The following RANBP2 variants were observed in gnomAD, a reference collection of about 807,000 sequenced individuals.
RANBP2 encodes the protein E3 SUMO-protein ligase RanBP2.
In RANBP2, 57 loss-of-function variants were observed where a neutral mutation model predicts 303.6. The observed-to-expected ratio is 0.19, with a 90% CI of 0.15 to 0.23. RANBP2 has a LOEUF of 0.23. RANBP2 is among the 10% of genes least tolerant of loss of function. RANBP2 has a pLI of 1.00. For synonymous variants in RANBP2, 1,167 were observed against 1,301.5 expected (o/e 0.90, Z 2.23); for missense variants, 3,138 against 3,780.8 (o/e 0.83, Z 4.46).
At chr2:109,635,945 A>G in the RANBP2 span, among the ~76,000 whole-genome samples, 2 of 152,178 alleles carry the variant, frequency 1.3e-5, no homozygotes, top group East Asian at 1.9e-4. Context: ...CTTCACCCCA[A>G]TGTGACGGTG....
At chr2:109,462,471 C>T in the RANBP2 span, among the ~76,000 whole-genome samples, 1 of 152,140 alleles carries the variant, frequency 6.6e-6, no homozygotes, top group Admixed American at 6.5e-5. Context: ...CTCTGTCATT[C>T]TCCATGATCC....
At chr2:108,941,029 C>G in the RANBP2 span, among the ~76,000 whole-genome samples, 2 of 152,168 alleles carry the variant, frequency 1.3e-5, no homozygotes, top group Admixed American at 1.3e-4. Context: ...CTGCCCCACG[C>G]TGGGCTGTCA....
the RANBP2 span, among the ~76,000 whole-genome samples, chr2:108,968,101 G>C: frequency 8.6e-3 from 1,312 of 152,260 alleles, 23 homozygotes; most frequent in African/African-American, 0.03. Flanking sequence ...GCTGCACAGG[G>C]ATAATATCAC....
the RANBP2 span, among the ~76,000 whole-genome samples, chr2:109,292,140 G>A: frequency 2.4e-4 from 37 of 152,348 alleles, no homozygotes; most frequent in East Asian, 3.5e-3. Flanking sequence ...TGGGATTACA[G>A]GCGTGAGCTA....
the RANBP2 span, among the ~76,000 whole-genome samples, chr2:109,442,026 T>C: frequency 6.6e-6 from 1 of 152,102 alleles, no homozygotes; most frequent in African/African-American, 2.4e-5. Context: ...AAATCCACAC[T>C]ATTGGCCAGG....
chr2:108,856,512 G>T, the RANBP2 span, among the ~76,000 whole-genome samples: 1 of 152,116 alleles, frequency 6.6e-6, no homozygotes, highest in Non-Finnish European at 1.5e-5. Context: ...ATACTAATAG[G>T]CATTGTTTTT....
chr2:109,433,308 C>T, the RANBP2 span, among the ~76,000 whole-genome samples: 7 of 152,178 alleles, frequency 4.6e-5, no homozygotes, highest in African/African-American at 1.7e-4. Flanking sequence ...GTTGAGTGGT[C>T]GCATTGTGGT....
the RANBP2 span, among the ~76,000 whole-genome samples, chr2:109,418,815 G>A: frequency 2.0e-5 from 3 of 152,110 alleles, no homozygotes; most frequent in Non-Finnish European, 2.9e-5. Flanking sequence ...AGGGCAGGGC[G>A]AGCAAGCTGG....
chr2:109,174,931 A>C, the RANBP2 span, among the ~76,000 whole-genome samples: 1 of 152,200 alleles, frequency 6.6e-6, no homozygotes, highest in Admixed American at 6.5e-5. Context: ...TCTAATGGGG[A>C]GAGTCCTTGC....
the RANBP2 span, among the ~76,000 whole-genome samples, chr2:109,182,286 A>G: frequency 6.6e-6 from 1 of 152,216 alleles, no homozygotes; most frequent in Non-Finnish European, 1.5e-5. Flanking sequence ...GTGAGATAGT[A>G]TGTGTGCATG....
chr2:108,765,746 G>C lies in RANBP2; in HGVS notation c.5207G>C (p.Arg1736Thr). The part of the protein sequence containing the change: ...GQWDCSVCLV[R>T]NEASATKCIA... ...TGGGATTGCAGTGTGTGCTTAGTAA[G>C]AAATGAAGCCAGTGCTACCAAATGT... The change falls in exon 20 of 29, where the codon AGA (arginine) becomes ACA (threonine). Residue 1736 changes from arginine to threonine, a missense_variant. By Grantham distance (71) the Arg-to-Thr change is moderately conservative. Coordinates refer to ENST00000283195, the MANE Select transcript of RANBP2 (RefSeq NM_006267.5). 1.2e-6 allele frequency: 2 copies of C among 1,613,850 alleles called. No individual in the cohort carries two copies. The highest frequency in any genetic ancestry group is 1.7e-6 in the Non-Finnish European group (2 of 1,179,954).
At chr2:109,209,424 C>T in the RANBP2 span, among the ~76,000 whole-genome samples, 2 of 152,156 alleles carry the variant, frequency 1.3e-5, no homozygotes, top group Non-Finnish European at 2.9e-5. Flanking sequence ...AACACTCCCA[C>T]CTGGCCGATT....
the RANBP2 span, among the ~76,000 whole-genome samples, chr2:109,177,023 T>G: frequency 6.6e-6 from 1 of 152,140 alleles, no homozygotes; most frequent in African/African-American, 2.4e-5. Flanking sequence ...TTCCCCAGCT[T>G]TGTCAGCCAC....
the RANBP2 span, among the ~76,000 whole-genome samples, chr2:109,550,106 C>T: frequency 6.6e-6 from 1 of 151,668 alleles, no homozygotes; most frequent in Non-Finnish European, 1.5e-5. Context: ...GCCTGACCAA[C>T]ATGGAGAAAC....
the RANBP2 span, among the ~76,000 whole-genome samples, chr2:109,080,355 C>T: frequency 2.6e-5 from 4 of 152,012 alleles, no homozygotes; most frequent in Admixed American, 6.6e-5. Context: ...CTGCCATAAG[C>T]GTGGGATGCA....
chr2:108,798,720 C>T, the RANBP2 span: 1 of 552,550 alleles, frequency 1.8e-6, no homozygotes, highest in Non-Finnish European at 3.2e-6. Context: ...CACACACACA[C>T]ACACACACAC....
the RANBP2 span, chr2:109,567,903 A>G: frequency 2.5e-5 from 40 of 1,613,900 alleles, no homozygotes; most frequent in East Asian, 2.2e-5. Flanking sequence ...TTCACTCATG[A>G]GCTTGATCTT....
At chr2:109,565,763 C>G in the RANBP2 span, 4 of 1,612,716 alleles carry the variant, frequency 2.5e-6, no homozygotes, top group South Asian at 1.1e-5. Context: ...TCTCATTTAC[C>G]TTGTACAACA....
the RANBP2 span, among the ~76,000 whole-genome samples, chr2:109,173,577 G>A: frequency 1.3e-5 from 2 of 152,148 alleles, no homozygotes; most frequent in African/African-American, 2.4e-5. Context: ...GTGGCTGCGG[G>A]GAAGGCCACA....
Sources: gnomAD v4.1 joint callset for allele counts (sites outside exome capture counted in the v4.1 genomes callset) on GRCh38, gnomAD v4.1.1 for gene constraint, MANE v1.5 for transcripts, NCBI Gene and HGNC (gene_info 2026-07-23, HGNC 2026-07-21) for gene names.